ITIH5: variants seen among roughly 807,000 people sequenced by gnomAD.
ITIH5 encodes inter-alpha-trypsin inhibitor heavy chain H5.
In ITIH5, 65 loss-of-function variants were observed where a neutral mutation model predicts 77.5. The ratio of observed to expected loss-of-function variants is 0.84; its 90% CI spans 0.69 to 1.03. ITIH5 has a LOEUF of 1.03. Ranked by LOEUF, ITIH5 falls within the 50% of genes least tolerant of loss-of-function variation. The probability of loss-of-function intolerance (pLI) is 0.00; values close to 1 mark genes in which losing one functional copy is unlikely to be tolerated. For synonymous variants in ITIH5, 525 were observed against 494.3 expected, an observed-to-expected ratio of 1.06 and a Z score of -0.82; for missense variants, 1,208 against 1,213.1, an observed-to-expected ratio of 1.00 and a Z score of 0.06.
At chr10:7,644,564 A>ATG (rs1564277527) in intron 2 of ITIH5, among the ~76,000 whole-genome samples, 1 of 135,762 alleles carries the variant, frequency 7.4e-6, no homozygotes, top group African/African-American at 2.8e-5. Flanking sequence ...TCACATATAT[A>ATG]TGATATATAT....
chr10:7,564,582 C>T (rs1832102501), intron 13 of ITIH5, among the ~76,000 whole-genome samples: 1 of 152,090 alleles, frequency 6.6e-6, no homozygotes, highest in Admixed American at 6.5e-5. Context: ...GGAGACACCA[C>T]ATAGCCTAGC....
intron 1 of ITIH5, among the ~76,000 whole-genome samples, chr10:7,659,875 A>G (rs113588776): frequency 6.6e-6 from 1 of 152,164 alleles, no homozygotes; most frequent in Non-Finnish European, 1.5e-5. Flanking sequence ...CATCGTTTTT[A>G]GTTAAGAATT....
At chr10:7,576,128 G>C (rs1440213346) in intron 10 of ITIH5, among the ~76,000 whole-genome samples, 1 of 152,112 alleles carries the variant, frequency 6.6e-6, no homozygotes, top group Non-Finnish European at 1.5e-5. Context: ...GGGCTCCAGT[G>C]ATCCTCCTTC....
intron 7 of ITIH5, among the ~76,000 whole-genome samples, chr10:7,607,060 A>G (rs7098700): frequency 0.1 from 15,395 of 152,134 alleles, 1,484 homozygotes; most frequent in African/African-American, 0.25. Flanking sequence ...CTGTTTTGCA[A>G]TGTTTTCCTG....
intron 5 of ITIH5, among the ~76,000 whole-genome samples, chr10:7,631,673 C>T (rs1833714897): frequency 6.6e-6 from 1 of 152,212 alleles, no homozygotes; most frequent in African/African-American, 2.4e-5. Flanking sequence ...CTACACTGGC[C>T]TGTATCTGAG....
intron 5 of ITIH5, among the ~76,000 whole-genome samples, chr10:7,627,140 G>A (rs1833593996): frequency 6.6e-6 from 1 of 151,990 alleles, no homozygotes; most frequent in Admixed American, 6.6e-5. Flanking sequence ...TCAAAAACGG[G>A]GTGGTGGGCA....
chr10:7,644,058 T>C (rs1467938252), intron 2 of ITIH5, among the ~76,000 whole-genome samples: 1 of 152,108 alleles, frequency 6.6e-6, no homozygotes, highest in Non-Finnish European at 1.5e-5. Flanking sequence ...CTGGCCAACA[T>C]GGTGAAACCC....
Position 7,644,874 on chromosome 10 carries a change from CAT to C in ITIH5, c.136-2786_136-2785del, listed in dbSNP as rs1250105026. ...TCACATATGTATCACATATATATCA[CAT>C]ATATATATCACATATATATATCACA... is the stretch of plus-strand genomic sequence containing the variant. On this transcript the variant is annotated intron_variant, in intron 2 of 13. Coordinates refer to ENST00000397146, the MANE Select transcript of ITIH5 (RefSeq NM_030569.7). 1.5e-3 allele frequency among the ~76,000 whole-genome samples: 124 copies of C among 80,636 alleles called. 4 individuals carry two copies. The highest frequency in any genetic ancestry group is 1.7e-3 in the African/African-American group (31 of 18,532). The allele number at this position is 80,636 out of a possible 152,430, so 52.9% of individuals were successfully genotyped here. A position where few individuals can be genotyped will look rare whatever the true frequency, so the allele number is the denominator to read the frequency against.
intron 7 of ITIH5, among the ~76,000 whole-genome samples, chr10:7,613,245 C>CAAAGAA (rs1833289483): frequency 7.0e-6 from 1 of 143,552 alleles, no homozygotes; most frequent in African/African-American, 2.8e-5. Context: ...GACTTCGTCT[C>CAAAGAA]AAAAAAAAAA....
In ITIH5 at chr10:7,642,817, G is replaced by T. The variant is rs117677387; in HGVS notation, c.136-727C>A. ...CATCTGGTGACAGCTGGTAGCAGAGGCCTGAAGAAGGAAGAAAACATTTGT... is the reference window on the plus strand; with the variant it reads ...CATCTGGTGACAGCTGGTAGCAGAGTCCTGAAGAAGGAAGAAAACATTTGT... On this transcript the variant is annotated intron_variant, in intron 2 of 13. Coordinates refer to ENST00000397146, the MANE Select transcript of ITIH5 (RefSeq NM_030569.7). Among the ~76,000 whole-genome samples, 8 of 152,278 alleles carry T rather than the reference G, an allele frequency of 5.3e-5. No individual in the cohort carries two copies. In the East Asian group the frequency reaches 1.3e-3, roughly 26 times the overall value.
chr10:7,652,474 G>A (rs762497460), intron 2 of ITIH5, among the ~76,000 whole-genome samples: 1 of 152,102 alleles, frequency 6.6e-6, no homozygotes, highest in Non-Finnish European at 1.5e-5. Context: ...AGAGTGATGC[G>A]CCAGGTCTAC....
intron 11 of ITIH5, 193 bp from the exon 12 acceptor site, chr10:7,569,977 G>A (rs1030829677): frequency 6.0e-6 from 3 of 498,176 alleles, no homozygotes; most frequent in Non-Finnish European, 1.1e-5. Flanking sequence ...TACCCAGTGA[G>A]TTTGCAGTAA....
At chr10:7,609,279 T>A (rs1371123639) in intron 7 of ITIH5, 1 of 366,798 alleles carries the variant, frequency 2.7e-6, no homozygotes, top group East Asian at 7.4e-5. Context: ...CTCAGAAAAA[T>A]GCAGGATACA....
chr10:7,616,610 C>T (rs767938764), intron 6 of ITIH5, among the ~76,000 whole-genome samples: 1 of 152,082 alleles, frequency 6.6e-6, no homozygotes, highest in Non-Finnish European at 1.5e-5. Context: ...GTCAGATCAC[C>T]TGAGGTCAGG....
intron 5 of ITIH5, among the ~76,000 whole-genome samples, chr10:7,624,081 C>T (rs1326762335): frequency 6.6e-6 from 1 of 152,148 alleles, no homozygotes; most frequent in Non-Finnish European, 1.5e-5. Flanking sequence ...CAATGCTCTT[C>T]CTTCCTAAAA....
At chr10:7,660,960 G>A (rs955881082) in intron 1 of ITIH5, among the ~76,000 whole-genome samples, 1 of 152,230 alleles carries the variant, frequency 6.6e-6, no homozygotes, top group African/African-American at 2.4e-5. Context: ...GGCCCATTAG[G>A]AATCGGGCCA....
chr10:7,563,466 C>G, intron 13 of ITIH5, 82 bp from the exon 14 acceptor site: 5 of 1,298,496 alleles, frequency 3.9e-6, no homozygotes, highest in Non-Finnish European at 5.3e-6. Context: ...CTATCAGTGG[C>G]AGAAAGGCTT....
chr10:7,637,351 G>A lies in ITIH5; in HGVS notation c.529C>T (p.Arg177Trp), dbSNP rs144998429. 1.9e-6 allele frequency: 3 copies of A among 1,614,016 alleles called. No individual in the cohort carries two copies. Among genetic ancestry groups the A allele is most frequent in the South Asian group, 1.1e-5 (1 of 91,088 alleles). Residue 177 changes from arginine to tryptophan, a missense_variant, in exon 5 of 14, where the codon CGG becomes TGG. Arg to Trp is a moderately radical substitution (Grantham distance 101). Transcript: ENST00000397146. Reference protein sequence around the residue: ...LGKYEHSISVRPQQLSGRLSV... With the variant: ...LGKYEHSISVWPQQLSGRLSV... ...AGCCTCCCGGACAGCTGCTGGGGCC[G>A]CACGCTGATGCTGTGCTCGTACTTG...
At chr10:7,598,143 G>T (rs953789245) in intron 7 of ITIH5, among the ~76,000 whole-genome samples, 1 of 152,138 alleles carries the variant, frequency 6.6e-6, no homozygotes, top group Non-Finnish European at 1.5e-5. Flanking sequence ...ATCAATGATC[G>T]TGCAATGCCA....
Sources: allele counts gnomAD v4.1 joint callset (sites outside exome capture counted in the v4.1 genomes callset), GRCh38; gene constraint gnomAD v4.1.1; transcripts MANE v1.5; gene names NCBI Gene and HGNC (gene_info 2026-07-23, HGNC 2026-07-21).